The following CALCR variants were observed in gnomAD, a reference collection of about 807,000 sequenced individuals.
CALCR encodes the protein calcitonin receptor.
CALCR carries 47 observed loss-of-function variants against 59.5 expected under a neutral mutation model. The ratio of observed to expected loss-of-function variants is 0.79; its 90% CI spans 0.63 to 1.01. The LOEUF is 1.01. Ranked by LOEUF, CALCR falls within the 50% of genes least tolerant of loss-of-function variation. The pLI is 0.00. For synonymous variants in CALCR, 213 were observed against 211.3 expected (o/e 1.01, Z -0.07); for missense variants, 566 against 597.1 (o/e 0.95, Z 0.54).
At chr7:93,457,548 C>T (rs900520924) in intron 8 of CALCR, among the ~76,000 whole-genome samples, 3 of 152,114 alleles carry the variant, frequency 2.0e-5, no homozygotes, top group Non-Finnish European at 2.9e-5. Flanking sequence ...TATGATACTT[C>T]GTAATGTGAC....
chr7:93,526,166 T>C (rs374257872), intron 2 of CALCR, among the ~76,000 whole-genome samples: 24 of 152,280 alleles, frequency 1.6e-4, no homozygotes, highest in African/African-American at 5.3e-4. Context: ...TTAGAGTCCA[T>C]CTTTGTGAAC....
chr7:93,555,828 C>T (rs1399509406), intron 2 of CALCR, among the ~76,000 whole-genome samples: 10 of 152,128 alleles, frequency 6.6e-5, no homozygotes, highest in Admixed American at 6.6e-4. Flanking sequence ...TAGACTTGGG[C>T]TGATCAGTGG....
At chr7:93,497,463 T>G (rs186176724) in intron 2 of CALCR, among the ~76,000 whole-genome samples, 1 of 151,722 alleles carries the variant, frequency 6.6e-6, no homozygotes, top group Admixed American at 6.6e-5. Flanking sequence ...GATTCTCCTT[T>G]TACACTTAGT....
chr7:93,438,303 T>A, intron 9 of CALCR, 33 bp from the exon 10 acceptor site: 1 of 1,555,100 alleles, frequency 6.4e-7, no homozygotes, highest in Non-Finnish European at 8.9e-7. Context: ...TCACACTTGG[T>A]TTCTTGGTCA....
chr7:93,541,488 T>G (rs1374867413), intron 2 of CALCR, among the ~76,000 whole-genome samples: 2 of 152,146 alleles, frequency 1.3e-5, no homozygotes, highest in African/African-American at 4.8e-5. Flanking sequence ...AAGAGCAACA[T>G]AATTGAAGTT....
chr7:93,522,730 T>C (rs1475638562), intron 2 of CALCR, among the ~76,000 whole-genome samples: 4 of 152,190 alleles, frequency 2.6e-5, no homozygotes, highest in Non-Finnish European at 5.9e-5. Context: ...CCATCTGTGC[T>C]CCAGGCTTCC....
At chr7:93,441,596 T>G (rs1443331925) in intron 9 of CALCR, 1 of 451,810 alleles carries the variant, frequency 2.2e-6, no homozygotes, top group Non-Finnish European at 4.4e-6. Context: ...TGAGTAAATT[T>G]TGACCTGTTT....
intron 2 of CALCR, among the ~76,000 whole-genome samples, chr7:93,522,287 T>C (rs577710457): frequency 3.8e-4 from 58 of 152,340 alleles, no homozygotes; most frequent in African/African-American, 1.3e-3. Flanking sequence ...GTAAGACATT[T>C]GAAACTATTT....
chr7:93,535,543 T>C (rs1387378602), intron 2 of CALCR, among the ~76,000 whole-genome samples: 1 of 151,810 alleles, frequency 6.6e-6, no homozygotes, highest in East Asian at 1.9e-4. Context: ...ATGATTGTTA[T>C]GACACTATTA....
chr7:93,428,567 G>C (rs1317847278), intron 13 of CALCR, among the ~76,000 whole-genome samples: 1 of 152,130 alleles, frequency 6.6e-6, no homozygotes. Context: ...TTGGGAGGCC[G>C]AGGCGGGCAG....
chr7:93,547,177 C>G (rs2116211890), intron 2 of CALCR, among the ~76,000 whole-genome samples: 1 of 152,128 alleles, frequency 6.6e-6, no homozygotes, highest in Non-Finnish European at 1.5e-5. Context: ...AGATCTGGAT[C>G]AAAGCTAGAG....
intron 2 of CALCR, among the ~76,000 whole-genome samples, chr7:93,524,413 G>A (rs560558404): frequency 3.4e-4 from 51 of 151,904 alleles, no homozygotes; most frequent in African/African-American, 1.2e-3. Flanking sequence ...CTCGTGATCC[G>A]CCCACCTCAG....
chr7:93,560,595 C>T (rs931860743), intron 2 of CALCR, among the ~76,000 whole-genome samples: 5 of 151,992 alleles, frequency 3.3e-5, no homozygotes, highest in African/African-American at 9.7e-5. Flanking sequence ...CTTTTATTGG[C>T]TTGATATGTA....
chr7:93,552,705 G>A (rs992863424), intron 2 of CALCR, among the ~76,000 whole-genome samples: 1 of 152,056 alleles, frequency 6.6e-6, no homozygotes, highest in Admixed American at 6.6e-5. Flanking sequence ...TTGACAATTA[G>A]CATTATCTCC....
rs1394497900 is a variant in CALCR, at chr7:93,553,390, A to G, written c.-27+20899T>C. Among the ~76,000 whole-genome samples the G allele has an allele frequency of 3.9e-5, 6 of 152,198 alleles. No individual in the cohort carries two copies. The East Asian group carries it at 9.6e-4, about 24-fold the overall frequency. ...CCTTTAACAGACAGAAGTTTGGTCC[A>G]GATAATGAGCAAGATCACTTGTTAC... On this transcript the variant is annotated intron_variant, in intron 2 of 13. Transcript: ENST00000426151.
chr7:93,492,903 T>A (rs1157948931), intron 2 of CALCR, among the ~76,000 whole-genome samples: 1 of 151,226 alleles, frequency 6.6e-6, no homozygotes, highest in African/African-American at 2.4e-5. Flanking sequence ...AACATATGGA[T>A]CTAGGAAAAC....
chr7:93,569,421 A>T (rs1789949739), intron 2 of CALCR, among the ~76,000 whole-genome samples: 1 of 152,122 alleles, frequency 6.6e-6, no homozygotes, highest in Admixed American at 6.6e-5. Flanking sequence ...TCAAGCCACA[A>T]TCTGGTGTCC....
chr7:93,524,597 C>G (rs1007177668), intron 2 of CALCR, among the ~76,000 whole-genome samples: 2 of 151,982 alleles, frequency 1.3e-5, no homozygotes, highest in African/African-American at 4.8e-5. Context: ...AAAATGCTTT[C>G]TAGTACTAAG....
intron 7 of CALCR, among the ~76,000 whole-genome samples, chr7:93,468,439 C>G (rs535672752): frequency 3.3e-5 from 5 of 151,810 alleles, no homozygotes; most frequent in Non-Finnish European, 4.4e-5. Context: ...CATATTACAA[C>G]AGTATACTTA....
Sources: gnomAD v4.1 joint callset for allele counts (sites outside exome capture counted in the v4.1 genomes callset) on GRCh38, gnomAD v4.1.1 for gene constraint, MANE v1.5 for transcripts, NCBI Gene and HGNC (gene_info 2026-07-23, HGNC 2026-07-21) for gene names.